Variants in CAPS2 observed in about 807,000 individuals in gnomAD.
CAPS2 encodes calcyphosine 2.
CAPS2 carries 98 observed loss-of-function variants against 86.5 expected under a neutral mutation model. The ratio of observed to expected loss-of-function variants is 1.13; its 90% CI spans 0.96 to 1.34. The LOEUF is 1.34. Ranked by LOEUF, CAPS2 falls within the 40% of genes most tolerant of loss-of-function variation. CAPS2 has a pLI of 0.00. For missense variants in CAPS2, 729 were observed against 686.8 expected, an observed-to-expected ratio of 1.06 and a Z score of -0.69; for synonymous variants, 210 against 225.1, an observed-to-expected ratio of 0.93 and a Z score of 0.60.
chr12:75,380,996 C>T (rs2044932869), intron 1 of CAPS2, among the ~76,000 whole-genome samples: 1 of 152,062 alleles, frequency 6.6e-6, no homozygotes, highest in Admixed American at 6.6e-5. Flanking sequence ...TAAATAGTCT[C>T]GGATTTATAC....
intron 14 of CAPS2, among the ~76,000 whole-genome samples, chr12:75,287,009 G>A (rs1396691635): frequency 1.3e-5 from 2 of 151,056 alleles, no homozygotes; most frequent in Non-Finnish European, 3.0e-5. Context: ...TGTTTTCTGC[G>A]TTCTAGTCCT....
At chr12:75,324,361 T>C (rs955250180) in intron 2 of CAPS2, among the ~76,000 whole-genome samples, 1 of 152,176 alleles carries the variant, frequency 6.6e-6, no homozygotes, top group Admixed American at 6.5e-5. Context: ...TGTAAATTGA[T>C]TGCTACACAT....
chr12:75,334,925 C>G (rs765976740), upstream of CAPS2: 2 of 1,603,838 alleles, frequency 1.2e-6, no homozygotes, highest in African/African-American at 2.7e-5. Flanking sequence ...CAGGGCTGGG[C>G]TCTTAAATCC....
intron 7 of CAPS2, among the ~76,000 whole-genome samples, chr12:75,309,202 G>C (rs769363504): frequency 2.0e-5 from 3 of 151,784 alleles, no homozygotes; most frequent in Non-Finnish European, 2.9e-5. Context: ...GGGAAGAGAA[G>C]AAAACAAAAA....
intron 1 of CAPS2, among the ~76,000 whole-genome samples, chr12:75,366,503 T>C (rs2043970875): frequency 6.6e-6 from 1 of 152,166 alleles, no homozygotes; most frequent in Non-Finnish European, 1.5e-5. Context: ...AATATGTAAC[T>C]AGTTTGGGTA....
chr12:75,377,180 G>A (rs1425180637), intron 1 of CAPS2, among the ~76,000 whole-genome samples: 1 of 152,092 alleles, frequency 6.6e-6, no homozygotes, highest in Non-Finnish European at 1.5e-5. Flanking sequence ...GCATTTTTGA[G>A]TCTAATCAGA....
chr12:75,346,746 G>T (rs1287253834), intron 1 of CAPS2, among the ~76,000 whole-genome samples: 1 of 151,916 alleles, frequency 6.6e-6, no homozygotes, highest in Non-Finnish European at 1.5e-5. Context: ...CAAAACTATT[G>T]ACTCTGGCTA....
At chr12:75,347,515 T>C in intron 1 of CAPS2, 1 of 574,904 alleles carries the variant, frequency 1.7e-6, no homozygotes, top group South Asian at 2.2e-5. Flanking sequence ...TAAATATTTA[T>C]GTACATTATT....
intron 8 of CAPS2, among the ~76,000 whole-genome samples, chr12:75,300,283 G>A (rs897763758): frequency 4.6e-5 from 7 of 151,986 alleles, no homozygotes; most frequent in African/African-American, 9.6e-5. Flanking sequence ...GCGGCCGGGC[G>A]CGGTGGCTCA....
intron 7 of CAPS2, among the ~76,000 whole-genome samples, chr12:75,311,605 C>T (rs779040120): frequency 6.7e-5 from 10 of 148,698 alleles, no homozygotes; most frequent in Non-Finnish European, 1.0e-4. Context: ...GTTGGGCACA[C>T]CCACGTAGGG....
rs544926634 is a variant in CAPS2 at position 75,336,085 on chromosome 12, G to A, written c.-394-12863C>T. Among the ~76,000 whole-genome samples the A allele has an allele frequency of 9.1e-4, 138 of 151,666 alleles. 2 individuals carry two copies. The South Asian group carries it at 0.027, about 30-fold the overall frequency. ...ACCAATGCATAAAAAATGAAGTGAA[G>A]TGTCAATAGAATTATTCTGCTGAAA... On this transcript the variant is annotated intron_variant, in intron 1 of 5. Coordinates refer to the CAPS2 transcript ENST00000551829.
At chr12:75,276,963 A>C, downstream of CAPS2, 1 of 984,586 alleles carries the variant, frequency 1.0e-6, no homozygotes, top group Non-Finnish European at 1.2e-6. Context: ...ATGCTCTTTT[A>C]TTAAGTTTAA....
intron 1 of CAPS2, among the ~76,000 whole-genome samples, chr12:75,346,405 T>C (rs77126217): frequency 0.038 from 5,768 of 152,242 alleles, 126 homozygotes; most frequent in East Asian, 0.052. Flanking sequence ...CTTTTTTTTT[T>C]TTTGAGACGG....
intron 1 of CAPS2, among the ~76,000 whole-genome samples, chr12:75,355,135 CAATT>C (rs1442463066): frequency 3.3e-5 from 5 of 151,998 alleles, no homozygotes; most frequent in African/African-American, 1.2e-4. Context: ...TAAATGGGAT[CAATT>C]AAACTAAAGA....
chr12:75,375,674 TA>T (rs2044612049), intron 1 of CAPS2, among the ~76,000 whole-genome samples: 1 of 152,220 alleles, frequency 6.6e-6, no homozygotes, highest in Non-Finnish European at 1.5e-5. Context: ...ATAAATTAAG[TA>T]ACAATGCTGT....
chr12:75,344,701 C>A (rs2042334860), intron 1 of CAPS2, among the ~76,000 whole-genome samples: 1 of 152,032 alleles, frequency 6.6e-6, no homozygotes, highest in East Asian at 1.9e-4. Flanking sequence ...GTACATTTTG[C>A]CTTGTTGAGT....
upstream of CAPS2, chr12:75,329,952 C>T (rs1486593192): frequency 8.3e-7 from 1 of 1,204,220 alleles, no homozygotes; most frequent in East Asian, 2.6e-5. Flanking sequence ...AAGAAGAGGT[C>T]CAGAGTTAGA....
intron 14 of CAPS2, among the ~76,000 whole-genome samples, chr12:75,288,350 GT>G (rs2035266622): frequency 6.6e-6 from 1 of 152,150 alleles, no homozygotes; most frequent in African/African-American, 2.4e-5. Context: ...AGATTCCCAT[GT>G]AATTTTCTTA....
At chr12:75,319,421 A>G (rs760824897) in intron 5 of CAPS2, among the ~76,000 whole-genome samples, 57 of 152,222 alleles carry the variant, frequency 3.7e-4, no homozygotes, top group Non-Finnish European at 5.0e-4. Flanking sequence ...CTTGCCTCCT[A>G]TGTTGCTATG....
Sources: gnomAD v4.1 joint callset for allele counts (sites outside exome capture counted in the v4.1 genomes callset) on GRCh38, gnomAD v4.1.1 for gene constraint, MANE v1.5 for transcripts, NCBI Gene and HGNC (gene_info 2026-07-23, HGNC 2026-07-21) for gene names.